ST7: variants seen among roughly 807,000 people sequenced by gnomAD.
ST7 encodes suppression of tumorigenicity 7, also known as suppressor of tumorigenicity 7 protein.
A neutral mutation model predicts 78.7 loss-of-function variants in ST7; 28 were observed. That is an observed-to-expected ratio of 0.36 (90% CI 0.26 to 0.49). The LOEUF (loss-of-function observed/expected upper bound fraction) is 0.49. ST7 is among the 20% of genes least tolerant of loss of function. The pLI, the probability that ST7 is intolerant of heterozygous loss-of-function variation, is 0.99. For synonymous variants in ST7, 247 were observed against 249.6 expected (o/e 0.99, Z 0.10); for missense variants, 418 against 696.0 (o/e 0.60, Z 4.49).
intron 1 of ST7, among the ~76,000 whole-genome samples, chr7:116,998,579 G>T (rs1794788218): frequency 6.6e-6 from 1 of 152,264 alleles, no homozygotes; most frequent in African/African-American, 2.4e-5. Flanking sequence ...GAGTTCTGTT[G>T]TAAGGAAACA....
chr7:117,187,715 T>C (rs1809397205), intron 10 of ST7: 1 of 152,228 alleles, frequency 6.6e-6, no homozygotes, highest in African/African-American at 2.4e-5. Flanking sequence ...TGCTGCCACC[T>C]TCAAATAGTT....
chr7:117,088,200 C>T (rs1014411211), intron 1 of ST7, among the ~76,000 whole-genome samples: 2 of 152,156 alleles, frequency 1.3e-5, no homozygotes, highest in African/African-American at 4.8e-5. Context: ...CTTCTCTAAC[C>T]CTCCTAGCTG....
At chr7:116,965,222 C>G (rs1055812893) in intron 1 of ST7, among the ~76,000 whole-genome samples, 2 of 151,764 alleles carry the variant, frequency 1.3e-5, no homozygotes, top group East Asian at 3.9e-4. Flanking sequence ...CGCCTGTAGT[C>G]CCAGCTACTC....
intron 9 of ST7, among the ~76,000 whole-genome samples, chr7:117,148,791 T>C (rs1264710354): frequency 6.6e-6 from 1 of 152,128 alleles, no homozygotes; most frequent in South Asian, 2.1e-4. Context: ...ACCATGGACA[T>C]TTGTGAACAG....
chr7:116,964,686 G>A (rs1002681564), intron 1 of ST7, among the ~76,000 whole-genome samples: 2 of 152,024 alleles, frequency 1.3e-5, no homozygotes, highest in African/African-American at 2.4e-5. Context: ...ATAATGTTTG[G>A]CCATTTTCAT....
At chr7:117,120,573 A>G (rs1239582909) in intron 3 of ST7, among the ~76,000 whole-genome samples, 1 of 152,160 alleles carries the variant, frequency 6.6e-6, no homozygotes, top group African/African-American at 2.4e-5. Context: ...TGAACATGCC[A>G]TGTTTCTCAT....
intron 3 of ST7, among the ~76,000 whole-genome samples, chr7:117,126,598 A>G (rs1178494048): frequency 1.3e-5 from 2 of 151,882 alleles, no homozygotes; most frequent in Non-Finnish European, 2.9e-5. Flanking sequence ...TACCCACTCA[A>G]TACATGTTTA....
intron 6 of ST7, among the ~76,000 whole-genome samples, chr7:117,133,768 T>C (rs1013994473): frequency 6.6e-6 from 1 of 151,882 alleles, no homozygotes; most frequent in East Asian, 1.9e-4. Flanking sequence ...CATTCCACTC[T>C]CTTATAGACC....
intron 10 of ST7, chr7:117,187,756 G>A (rs998331041): frequency 6.6e-6 from 1 of 152,150 alleles, no homozygotes; most frequent in African/African-American, 2.4e-5. Flanking sequence ...CAAGGCTTGG[G>A]TAATTTTAAA....
intron 12 of ST7, 98 bp downstream of exon 12, chr7:117,191,034 T>G (rs1227449083): frequency 1.0e-6 from 1 of 971,220 alleles, no homozygotes; most frequent in Non-Finnish European, 1.6e-6. Flanking sequence ...TATAAAAAAA[T>G]GAATTGCAAC....
At chr7:117,124,694 TG>T (rs1338276588) in intron 3 of ST7, among the ~76,000 whole-genome samples, 1 of 152,126 alleles carries the variant, frequency 6.6e-6, no homozygotes, top group Non-Finnish European at 1.5e-5. Context: ...TGTGTGACCT[TG>T]GGCAAGTTGT....
intron 1 of ST7, among the ~76,000 whole-genome samples, chr7:116,994,211 A>G (rs952523973): frequency 1.3e-5 from 2 of 152,092 alleles, no homozygotes; most frequent in African/African-American, 2.4e-5. Flanking sequence ...TTCTCTCTCT[A>G]TGAATTTGAC....
chr7:116,958,352 CTT>C (rs544370020), intron 1 of ST7, among the ~76,000 whole-genome samples: 92 of 151,998 alleles, frequency 6.1e-4, no homozygotes, highest in African/African-American at 2.2e-3. Context: ...ATGTAAAACT[CTT>C]ATATTGTTGA....
chr7:117,120,678 T>A (rs1419788317), intron 3 of ST7, among the ~76,000 whole-genome samples: 1 of 152,246 alleles, frequency 6.6e-6, no homozygotes, highest in African/African-American at 2.4e-5. Flanking sequence ...TCTCTGATAG[T>A]CTGTACACTA....
chr7:116,981,354 C>T (rs1361338923), intron 1 of ST7, among the ~76,000 whole-genome samples: 2 of 152,120 alleles, frequency 1.3e-5, no homozygotes, highest in Non-Finnish European at 2.9e-5. Context: ...TAGTGATGCT[C>T]CCACCTCGGC....
At chr7:116,990,341 T>C (rs1483858509) in intron 1 of ST7, among the ~76,000 whole-genome samples, 1 of 152,170 alleles carries the variant, frequency 6.6e-6, no homozygotes, top group Admixed American at 6.5e-5. Context: ...GACCGTTTTC[T>C]TTCTATTCTG....
chr7:117,006,872 A>C (rs1795178302), intron 1 of ST7, among the ~76,000 whole-genome samples: 1 of 152,178 alleles, frequency 6.6e-6, no homozygotes, highest in Non-Finnish European at 1.5e-5. Context: ...CTTTGATGTT[A>C]GTATTGTAGT....
At chr7:117,058,618 C>T (rs986027314) in intron 1 of ST7, among the ~76,000 whole-genome samples, 2 of 152,144 alleles carry the variant, frequency 1.3e-5, no homozygotes, top group Non-Finnish European at 2.9e-5. Flanking sequence ...TCATATCCAT[C>T]CTGTGTTTTA....
intron 3 of ST7, among the ~76,000 whole-genome samples, chr7:117,120,263 G>A (rs1335052266): frequency 6.6e-6 from 1 of 152,134 alleles, no homozygotes; most frequent in South Asian, 2.1e-4. Context: ...TTAACCAATG[G>A]TCATTTAGGT....
Sources: allele counts gnomAD v4.1 joint callset (sites outside exome capture counted in the v4.1 genomes callset), GRCh38; gene constraint gnomAD v4.1.1; transcripts MANE v1.5; gene names NCBI Gene and HGNC (gene_info 2026-07-23, HGNC 2026-07-21).